OTUD7A: variants seen among roughly 807,000 people sequenced by gnomAD.
The protein encoded by OTUD7A is OTU deubiquitinase 7A.
Under a neutral mutation model 65.7 loss-of-function variants are expected in OTUD7A, and 12 were observed. The ratio of observed to expected loss-of-function variants is 0.18; its 90% CI spans 0.12 to 0.30. OTUD7A has a LOEUF of 0.30. Ranked by LOEUF, OTUD7A falls within the 10% of genes least tolerant of loss-of-function variation. The probability of loss-of-function intolerance (pLI) is 1.00; values close to 1 mark genes in which losing one functional copy is unlikely to be tolerated. For missense variants in OTUD7A, 1,148 were observed against 1,304.8 expected (o/e 0.88, Z 1.85); for synonymous variants, 641 against 586.3 (o/e 1.09, Z -1.35).
intron 3 of OTUD7A, among the ~76,000 whole-genome samples, chr15:31,610,611 ATATATATTTT>A (rs1280580932): frequency 2.8e-3 from 104 of 36,536 alleles, no homozygotes; most frequent in African/African-American, 0.012. Flanking sequence ...ATATATATAT[ATATATATTTT>A]TTTTTTTTTT....
At chr15:31,492,092 AT>A (rs567970422) in intron 10 of OTUD7A, among the ~76,000 whole-genome samples, 2,262 of 152,310 alleles carry the variant, frequency 0.015, 17 homozygotes, top group Non-Finnish European at 0.024. Flanking sequence ...GTGAAAATTC[AT>A]TTTTTTCTTC....
At chr15:31,753,713 T>C (rs1894719729) in intron 1 of OTUD7A, among the ~76,000 whole-genome samples, 1 of 114,630 alleles carries the variant, frequency 8.7e-6, no homozygotes, top group Non-Finnish European at 1.7e-5. Flanking sequence ...TATATATATA[T>C]ATATATATTA....
chr15:31,589,596 C>T (rs113902409), intron 3 of OTUD7A, among the ~76,000 whole-genome samples: 5,490 of 151,754 alleles, frequency 0.036, 361 homozygotes, highest in African/African-American at 0.13. Flanking sequence ...AGCTACCATG[C>T]CCACCTGTAT....
At chr15:31,858,361 T>C (rs1456572829) in intron 1 of OTUD7A, among the ~76,000 whole-genome samples, 1 of 152,130 alleles carries the variant, frequency 6.6e-6, no homozygotes, top group Non-Finnish European at 1.5e-5. Context: ...GTGGCTAGCA[T>C]GGAAGGCTTC....
intron 1 of OTUD7A, among the ~76,000 whole-genome samples, chr15:31,770,074 G>A (rs569073773): frequency 6.6e-6 from 1 of 152,096 alleles, no homozygotes; most frequent in Admixed American, 6.5e-5. Context: ...AAACACAAAA[G>A]CAGAACAATG....
At chr15:31,740,960 T>A (rs567229659) in intron 1 of OTUD7A, among the ~76,000 whole-genome samples, 1 of 152,312 alleles carries the variant, frequency 6.6e-6, no homozygotes, top group South Asian at 2.1e-4. Flanking sequence ...TACTTCAGAA[T>A]GACAAAAGTA....
intron 1 of OTUD7A, among the ~76,000 whole-genome samples, chr15:31,667,377 A>G (rs1351104540): frequency 2.0e-5 from 3 of 152,138 alleles, no homozygotes; most frequent in Non-Finnish European, 2.9e-5. Context: ...CCATTATATA[A>G]TGGTCCTTCT....
intron 1 of OTUD7A, among the ~76,000 whole-genome samples, chr15:31,778,302 T>TG (rs949446087): frequency 6.6e-6 from 1 of 152,066 alleles, no homozygotes; most frequent in African/African-American, 2.4e-5. Context: ...GGTAAAACCA[T>TG]GGAGAGAGAC....
At chr15:31,661,856 ATG>A (rs1249050755) in intron 1 of OTUD7A, among the ~76,000 whole-genome samples, 1 of 152,222 alleles carries the variant, frequency 6.6e-6, no homozygotes, top group African/African-American at 2.4e-5. Context: ...ATTGGTTGAT[ATG>A]TCTTTTTTAA....
intron 3 of OTUD7A, among the ~76,000 whole-genome samples, chr15:31,597,680 T>C (rs1889947448): frequency 1.3e-5 from 2 of 152,180 alleles, no homozygotes; most frequent in South Asian, 2.1e-4. Flanking sequence ...TCTGGAGGAC[T>C]GTCCTCCCCT....
intron 8 of OTUD7A, among the ~76,000 whole-genome samples, chr15:31,525,970 G>A (rs768328164): frequency 9.2e-5 from 14 of 152,330 alleles, no homozygotes; most frequent in Non-Finnish European, 1.6e-4. Flanking sequence ...AGGTTCGTGC[G>A]ATGGCAATGT....
chr15:31,548,780 T>C (rs551667271), intron 5 of OTUD7A, among the ~76,000 whole-genome samples: 1 of 152,196 alleles, frequency 6.6e-6, no homozygotes, highest in South Asian at 2.1e-4. Context: ...AAGAGCCCAA[T>C]CAAAGGGTAT....
At chr15:31,572,215 G>T (rs1331997507) in intron 3 of OTUD7A, among the ~76,000 whole-genome samples, 3 of 152,150 alleles carry the variant, frequency 2.0e-5, no homozygotes, top group African/African-American at 7.2e-5. Context: ...ACACACAGCT[G>T]AAAATATTCA....
chr15:31,659,338 C>A (rs1325273966), intron 1 of OTUD7A, among the ~76,000 whole-genome samples: 2 of 152,066 alleles, frequency 1.3e-5, no homozygotes, highest in Non-Finnish European at 2.9e-5. Flanking sequence ...TCTGTCTTAA[C>A]AGAGGGCCAG....
chr15:31,728,220 C>G (rs1211109395), intron 1 of OTUD7A, among the ~76,000 whole-genome samples: 1 of 152,188 alleles, frequency 6.6e-6, no homozygotes, highest in Admixed American at 6.5e-5. Flanking sequence ...TCCCGGGAGC[C>G]ATTCTTAAAC....
intron 10 of OTUD7A, among the ~76,000 whole-genome samples, chr15:31,500,561 C>A (rs2041452998): frequency 6.6e-6 from 1 of 152,260 alleles, no homozygotes; most frequent in Non-Finnish European, 1.5e-5. Context: ...AAGTGACACG[C>A]TGGTGCCGCC....
intron 1 of OTUD7A, among the ~76,000 whole-genome samples, chr15:31,728,141 T>C (rs892386558): frequency 1.3e-5 from 2 of 152,226 alleles, no homozygotes; most frequent in Admixed American, 6.5e-5. Flanking sequence ...CTTCTTTGAA[T>C]TGGCTTCTCC....
At chr15:31,513,309 T>C (rs1382778910) in intron 8 of OTUD7A, among the ~76,000 whole-genome samples, 1 of 152,252 alleles carries the variant, frequency 6.6e-6, no homozygotes, top group East Asian at 1.9e-4. Flanking sequence ...CCCATCACCC[T>C]GGAAAGTTCT....
intron 3 of OTUD7A, among the ~76,000 whole-genome samples, chr15:31,642,016 C>T (rs1054930027): frequency 9.2e-5 from 14 of 152,184 alleles, no homozygotes; most frequent in African/African-American, 3.4e-4. Context: ...AGCTTTCTTT[C>T]ATCACTAGGT....
Sources: allele counts gnomAD v4.1 joint callset (sites outside exome capture counted in the v4.1 genomes callset), GRCh38; gene constraint gnomAD v4.1.1; transcripts MANE v1.5; gene names NCBI Gene and HGNC (gene_info 2026-07-23, HGNC 2026-07-21).